OVOL1: variants seen among roughly 807,000 people sequenced by gnomAD.
The protein encoded by OVOL1 is ovo like transcriptional repressor 1, also known as putative transcription factor Ovo-like 1.
A neutral mutation model predicts 21.5 loss-of-function variants in OVOL1; 10 were observed. The ratio of observed to expected loss-of-function variants is 0.46; its 90% CI spans 0.29 to 0.79. The LOEUF (loss-of-function observed/expected upper bound fraction) is 0.79, where lower values mean the gene tolerates loss of function less well. Ranked by LOEUF, OVOL1 falls within the 30% of genes least tolerant of loss-of-function variation. The probability of loss-of-function intolerance (pLI) is 0.10; values close to 1 mark genes in which losing one functional copy is unlikely to be tolerated. For missense variants in OVOL1, 279 were observed against 362.3 expected, an observed-to-expected ratio of 0.77 and a Z score of 1.87; for synonymous variants, 129 against 150.3, an observed-to-expected ratio of 0.86 and a Z score of 1.03.
At chr11:65,788,010 T>TG (rs58273614) in intron 1 of OVOL1, among the ~76,000 whole-genome samples, 3,767 of 152,036 alleles carry the variant, frequency 0.025, 151 homozygotes, top group African/African-American at 0.083. Flanking sequence ...GTCGGGCCGG[T>TG]GGGGGGCGTG....
Position 65,795,344 on chromosome 11 carries a change from G to C in OVOL1, c.*3G>C. On this transcript the variant is annotated 3_prime_UTR_variant, in exon 4 of 4. Coordinates refer to ENST00000335987, the MANE Select transcript of OVOL1 (RefSeq NM_004561.4). The surrounding 1 kb of genome is among the most constrained non-coding windows in gnomAD (Gnocchi z 5.7). ...TGCAGGGCAGCCCCCACCTGTGAGT[G>C]GCTCGAGCCCTGGGGGTGCTCCTGG... 6.3e-7 allele frequency: 1 copy of C among 1,583,532 alleles called. No individual in the cohort carries two copies. Among genetic ancestry groups the C allele is most frequent in the Middle Eastern group, 1.8e-4 (1 of 5,454 alleles).
intron 2 of OVOL1, 136 bp downstream of exon 2, chr11:65,794,384 C>G: frequency 2.8e-6 from 3 of 1,082,692 alleles, no homozygotes; most frequent in Middle Eastern, 2.0e-4. Flanking sequence ...AGAGGAGTGC[C>G]GATCTCCGGG....
At chr11:65,789,731 G>A in intron 1 of OVOL1, 1 of 983,888 alleles carries the variant, frequency 1.0e-6, no homozygotes, top group Non-Finnish European at 1.2e-6. Flanking sequence ...CCCATTTCCA[G>A]TGGAGGGCCC....
Position 65,795,149 on chromosome 11 carries a change from G to A in OVOL1, c.612G>A (p.Ala204=), listed in dbSNP as rs201146309. 2.3e-4 allele frequency: 370 copies of A among 1,613,772 alleles called. 1 individual carries two copies. The highest frequency in any genetic ancestry group is 2.9e-4 in the Non-Finnish European group (340 of 1,180,032). ...KKIHGVQQKY[A]YKERRAKLYV... ...TCCATGGTGTGCAGCAGAAGTACGC[G>A]TACAAGGAGCGGCGGGCCAAGCTGT... is the stretch of plus-strand genomic sequence containing the variant. Residue 204 remains alanine, a synonymous_variant, in exon 4 of 4, where the codon GCG becomes GCA. Transcript: ENST00000335987. The surrounding 1 kb of genome is among the most constrained non-coding windows in gnomAD (Gnocchi z 5.7).
intron 1 of OVOL1, among the ~76,000 whole-genome samples, chr11:65,792,058 C>A (rs1198880722): frequency 6.6e-6 from 1 of 152,218 alleles, no homozygotes; most frequent in Non-Finnish European, 1.5e-5. Flanking sequence ...GCCTCCTCTG[C>A]CCCTCGCTCA....
chr11:65,793,799 C>T, intron 1 of OVOL1: 1 of 586,272 alleles, frequency 1.7e-6, no homozygotes, highest in Non-Finnish European at 3.0e-6. Flanking sequence ...TCCGCTAAGA[C>T]ACAAATTACT....
chr11:65,788,226 A>AG (rs1857942475), intron 1 of OVOL1, among the ~76,000 whole-genome samples: 1 of 152,216 alleles, frequency 6.6e-6, no homozygotes, highest in African/African-American at 2.4e-5. Flanking sequence ...GCGGAGGGCC[A>AG]GGCCCGGGGA....
chr11:65,796,109 GC>G lies in OVOL1; in HGVS notation c.*769del, dbSNP rs1858127627. 6.5e-6 allele frequency: 1 copy of G among 152,798 alleles called. No individual in the cohort carries two copies. The highest frequency in any genetic ancestry group is 6.5e-5 in the Admixed American group (1 of 15,306). 9.5% of individuals were successfully genotyped at this position (152,798 alleles called of 1,614,324 possible). A position where few individuals can be genotyped will look rare whatever the true frequency, so the allele number is the denominator to read the frequency against. The stretch of plus-strand genomic sequence containing the variant: ...GCGATGTTTTTAAGAGTGGGATGGA[GC>G]TGGCTTTTCTCCATTCCCGTGCGCT... On this transcript the variant is annotated 3_prime_UTR_variant, in exon 4 of 4. Transcript: ENST00000335987.
chr11:65,794,373 C>A, intron 2 of OVOL1, 125 bp downstream of exon 2: 1 of 1,111,844 alleles, frequency 9.0e-7, no homozygotes. Flanking sequence ...AAGGTTTCTG[C>A]AGAGGAGTGC....
intron 1 of OVOL1, chr11:65,788,540 C>T (rs1280906735): frequency 5.1e-6 from 5 of 985,300 alleles, no homozygotes; most frequent in Admixed American, 6.1e-5. Flanking sequence ...CTGGCACCGC[C>T]CCAGGCCTTG....
chr11:65,790,590 C>T (rs1857995885), intron 1 of OVOL1: 1 of 152,324 alleles, frequency 6.6e-6, no homozygotes, highest in African/African-American at 2.4e-5. Flanking sequence ...AGTGAGAGCT[C>T]CGGCCTCTGA....
rs1428960332 is a variant in OVOL1 at position 65,795,015 on chromosome 11, TC to T, written c.509-30del. 6.9e-6 allele frequency: 11 copies of T among 1,601,762 alleles called. No homozygotes were observed. Among genetic ancestry groups the T allele is most frequent in the Non-Finnish European group, 9.4e-6 (11 of 1,174,556 alleles). On this transcript the variant is annotated intron_variant, in intron 3 of 3. Transcript: ENST00000335987. The surrounding 1 kb of genome is among the most constrained non-coding windows in gnomAD (Gnocchi z 5.7). Reference sequence around the variant, plus strand: ...GACAGCCTCTGAAGTCCCTGCCAGGTCTCTGATGCTGGCCCCTGTCCTCCCC... The same window carrying T: ...GACAGCCTCTGAAGTCCCTGCCAGGTTCTGATGCTGGCCCCTGTCCTCCCC...
Position 65,794,235 on chromosome 11 carries a change from G to A in OVOL1, c.305G>A (p.Arg102His), listed in dbSNP as rs749430400. Residue 102 changes from arginine to histidine, a missense_variant, in exon 2 of 4, where the codon CGC becomes CAC. Physicochemically the swap from Arg to His is conservative, Grantham distance 29. Transcript: ENST00000335987. ...DPQSRDHGFL[R>H]TKMKVTLGDS... ...CAGAGCAGAGACCATGGCTTCCTGC[G>A]CACCAAGATGAAGGTAATGCCACTC... is the stretch of plus-strand genomic sequence containing the variant. The A allele has an allele frequency of 2.8e-5, 45 of 1,612,642 alleles. No individual in the cohort carries two copies. Among genetic ancestry groups the A allele is most frequent in the Non-Finnish European group, 3.2e-5 (38 of 1,179,702 alleles).
At position 65,795,544 on chromosome 11, in the gene OVOL1, C is replaced by T. The variant is rs1477221270; in HGVS notation, c.*203C>T. 5.0e-6 allele frequency: 3 copies of T among 602,600 alleles called. No individual in the cohort carries two copies. The highest frequency in any genetic ancestry group is 8.8e-6 in the Non-Finnish European group (3 of 339,062). The allele number at this position is 602,600 out of a possible 1,614,324, so 37.3% of individuals were successfully genotyped here. The stretch of plus-strand genomic sequence containing the variant: ...CCTCTGCTCATTTTTGCATTTTTGA[C>T]TTATGGGCCGAGGCTGTTCTGAGCC... On this transcript the variant is annotated 3_prime_UTR_variant, in exon 4 of 4. Coordinates refer to ENST00000335987, the MANE Select transcript of OVOL1 (RefSeq NM_004561.4). The surrounding 1 kb of genome is among the most constrained non-coding windows in gnomAD (Gnocchi z 5.7).
At chr11:65,787,881 G>C (rs559558772) in intron 1 of OVOL1, among the ~76,000 whole-genome samples, 8 of 152,334 alleles carry the variant, frequency 5.3e-5, no homozygotes, top group African/African-American at 1.9e-4. Flanking sequence ...ATGCCACTTT[G>C]GGGGGCGGGG....
At position 65,787,442 on chromosome 11, in the gene OVOL1, C is replaced by T. The variant is rs757052698; in HGVS notation, c.69C>T (p.Pro23=). The part of the protein sequence containing the change: ...STCKRNWSEL[P]DEERGEIYVP... The stretch of plus-strand genomic sequence containing the variant: ...GCAAGAGGAACTGGAGCGAGCTCCC[C>T]GACGAGGAGCGCGGCGAGATCTACG... Residue 23 remains proline, a synonymous_variant, in exon 1 of 4, where the codon CCC becomes CCT. Coordinates refer to ENST00000335987, the MANE Select transcript of OVOL1 (RefSeq NM_004561.4). The T allele has an allele frequency of 6.3e-7, 1 of 1,585,918 alleles. No homozygotes were observed. Among genetic ancestry groups the T allele is most frequent in the South Asian group, 1.1e-5 (1 of 87,928 alleles).
Position 65,795,448 on chromosome 11 carries a change from T to A in OVOL1, c.*107T>A. On this transcript the variant is annotated 3_prime_UTR_variant, in exon 4 of 4. Transcript: ENST00000335987. This position sits in a 1 kb window ranked among gnomAD's most constrained non-coding sequence, Gnocchi z 5.7. Reference sequence around the variant, plus strand: ...CTGCAACCTCTCACCCGAACACCAGTGATCAGGACTGGAGCCCCCGTGCCT... The same window carrying A: ...CTGCAACCTCTCACCCGAACACCAGAGATCAGGACTGGAGCCCCCGTGCCT... 2 of 1,047,596 alleles carry A rather than the reference T, an allele frequency of 1.9e-6. No individual in the cohort carries two copies. The highest frequency in any genetic ancestry group is 2.8e-6 in the Non-Finnish European group (2 of 721,526). 64.9% of individuals were successfully genotyped at this position (1,047,596 alleles called of 1,614,324 possible). A position where few individuals can be genotyped will look rare whatever the true frequency, so the allele number is the denominator to read the frequency against.
At chr11:65,788,367 C>A in intron 1 of OVOL1, 1 of 712,476 alleles carries the variant, frequency 1.4e-6, no homozygotes, top group Non-Finnish European at 1.7e-6. Flanking sequence ...CCCCCACCCC[C>A]AACAAAGTCT....
Position 65,794,191 on chromosome 11 carries a change from G to C in OVOL1, c.261G>C (p.Met87Ile), listed in dbSNP as rs1281925665. The change falls in exon 2 of 4, where the codon ATG (methionine) becomes ATC (isoleucine). Residue 87 changes from methionine to isoleucine, a missense_variant. Physicochemically the swap from Met to Ile is conservative, Grantham distance 10. Transcript: ENST00000335987. ...CVVAQLPSED[M>I]GHLTDPQSRD... is the part of the protein sequence containing the mutation. Reference sequence around the variant, plus strand: ...TGGCCCAGCTGCCCTCTGAAGACATGGGCCACTTGACAGACCCCCAGAGCA... The same window carrying C: ...TGGCCCAGCTGCCCTCTGAAGACATCGGCCACTTGACAGACCCCCAGAGCA... 1.2e-6 allele frequency: 2 copies of C among 1,613,544 alleles called. No individual in the cohort carries two copies. Among genetic ancestry groups the C allele is most frequent in the Non-Finnish European group, 1.7e-6 (2 of 1,180,050 alleles).
Sources: allele counts gnomAD v4.1 joint callset (sites outside exome capture counted in the v4.1 genomes callset), GRCh38; gene constraint gnomAD v4.1.1; non-coding constraint Gnocchi (gnomAD v3.1); transcripts MANE v1.5; gene names NCBI Gene and HGNC (gene_info 2026-07-23, HGNC 2026-07-21).